NDST4: variants seen among roughly 807,000 people sequenced by gnomAD.
NDST4 encodes N-deacetylase and N-sulfotransferase 4.
A neutral mutation model predicts 100.8 loss-of-function variants in NDST4; 63 were observed. That is an observed-to-expected ratio of 0.62 (90% confidence interval 0.51 to 0.77). The LOEUF (loss-of-function observed/expected upper bound fraction) is 0.77, where lower values mean the gene tolerates loss of function less well. Among genes scored for constraint, NDST4 ranks in the 30% least tolerant of loss-of-function variants. The probability of loss-of-function intolerance (pLI) is 0.00; values close to 1 mark genes in which losing one functional copy is unlikely to be tolerated. For missense variants in NDST4, 943 were observed against 1,018.4 expected (o/e 0.93, Z 1.01); for synonymous variants, 377 against 361.8 (o/e 1.04, Z -0.48).
intron 2 of NDST4, among the ~76,000 whole-genome samples, chr4:115,060,920 G>T (rs1406181056): frequency 6.6e-6 from 1 of 151,546 alleles, no homozygotes; most frequent in Non-Finnish European, 1.5e-5. Flanking sequence ...TTTATATTTG[G>T]GTACGTTGAA....
chr4:114,891,416 A>C (rs1010490685), intron 6 of NDST4, among the ~76,000 whole-genome samples: 4 of 151,906 alleles, frequency 2.6e-5, no homozygotes, highest in Non-Finnish European at 4.4e-5. Flanking sequence ...CATTCTTCTC[A>C]ATTTCTTGGT....
At chr4:114,937,246 G>C in intron 5 of NDST4, 72 bp downstream of exon 5, 1 of 1,498,306 alleles carries the variant, frequency 6.7e-7, no homozygotes, top group African/African-American at 1.4e-5. Flanking sequence ...ATCCTTAGAG[G>C]AAATGGCCCT....
intron 4 of NDST4, among the ~76,000 whole-genome samples, chr4:114,958,933 A>G (rs1726199698): frequency 6.6e-6 from 1 of 152,088 alleles, no homozygotes; most frequent in Non-Finnish European, 1.5e-5. Context: ...AAAAGCACCA[A>G]AGTCACCTCT....
chr4:115,039,890 C>T (rs1451188528), intron 2 of NDST4, among the ~76,000 whole-genome samples: 3 of 152,014 alleles, frequency 2.0e-5, no homozygotes. Flanking sequence ...TAAAAGAGCT[C>T]AAATAATTCA....
intron 13 of NDST4, among the ~76,000 whole-genome samples, chr4:114,829,189 T>A (rs1214093528): frequency 6.6e-6 from 1 of 152,108 alleles, no homozygotes; most frequent in African/African-American, 2.4e-5. Context: ...AGCCAATTGC[T>A]GGCTGGTTTT....
chr4:115,089,520 A>G (rs484404), intron 1 of NDST4, among the ~76,000 whole-genome samples: 109,753 of 151,708 alleles, frequency 0.72, 40,600 homozygotes, highest in African/African-American at 0.87. Context: ...TGAAGAATAT[A>G]TTGTCCTTAT....
intron 1 of NDST4, among the ~76,000 whole-genome samples, chr4:115,101,976 A>C (rs1167130219): frequency 6.6e-6 from 1 of 152,098 alleles, no homozygotes; most frequent in African/African-American, 2.4e-5. Context: ...AGATTTGAAA[A>C]AGAAGAGAAA....
At chr4:115,055,186 C>A (rs186337598) in intron 2 of NDST4, among the ~76,000 whole-genome samples, 1 of 152,228 alleles carries the variant, frequency 6.6e-6, no homozygotes, top group African/African-American at 2.4e-5. Context: ...CATTTCCAGA[C>A]AGGACCATTT....
chr4:115,058,326 G>A (rs1422122987), intron 2 of NDST4, among the ~76,000 whole-genome samples: 1 of 152,080 alleles, frequency 6.6e-6, no homozygotes, highest in Non-Finnish European at 1.5e-5. Context: ...CTTGTATTTG[G>A]ATGGCAAAGC....
At chr4:115,097,831 C>T (rs149495645) in intron 1 of NDST4, among the ~76,000 whole-genome samples, 1 of 152,300 alleles carries the variant, frequency 6.6e-6, no homozygotes, top group East Asian at 1.9e-4. Context: ...CCCTACTGGG[C>T]CTCTCTATAT....
At chr4:115,044,778 AT>A (rs1728430437) in intron 2 of NDST4, among the ~76,000 whole-genome samples, 1 of 151,634 alleles carries the variant, frequency 6.6e-6, no homozygotes, top group Admixed American at 6.6e-5. Context: ...CAATATAATT[AT>A]GTATAAATTA....
Position 115,008,877 on chromosome 4 carries a change from T to A in NDST4, c.979-31603A>T, listed in dbSNP as rs1578449220. On this transcript the variant is annotated intron_variant, in intron 2 of 13. Coordinates refer to ENST00000264363, the MANE Select transcript of NDST4 (RefSeq NM_022569.3). ...CAATGGACACAAATCACAAACATTC[T>A]TATACACCAATAACAGACAAACAGA... 2.4e-5 allele frequency among the ~76,000 whole-genome samples: 3 copies of A among 123,490 alleles called. 1 individual carries two copies. Among genetic ancestry groups the A allele is most frequent in the Non-Finnish European group, 5.0e-5 (3 of 60,260 alleles). 81.0% of individuals were successfully genotyped at this position (123,490 alleles called of 152,430 possible). A position where few individuals can be genotyped will look rare whatever the true frequency, so the allele number is the denominator to read the frequency against.
chr4:115,001,454 G>A (rs1027499097), intron 2 of NDST4, among the ~76,000 whole-genome samples: 4 of 151,726 alleles, frequency 2.6e-5, no homozygotes, highest in African/African-American at 9.7e-5. Flanking sequence ...CCCCTGTTAG[G>A]AGATTCATGG....
chr4:114,941,775 A>G (rs868863839), intron 4 of NDST4, among the ~76,000 whole-genome samples: 2 of 152,192 alleles, frequency 1.3e-5, no homozygotes, highest in Non-Finnish European at 2.9e-5. Flanking sequence ...GCAGGAGTAC[A>G]GCGTACAATC....
At chr4:114,955,150 G>A (rs1252699322) in intron 4 of NDST4, among the ~76,000 whole-genome samples, 1 of 152,178 alleles carries the variant, frequency 6.6e-6, no homozygotes, top group Non-Finnish European at 1.5e-5. Context: ...ATGGTAGGAA[G>A]GGAAACACTT....
chr4:115,025,051 C>T (rs1033441413), intron 2 of NDST4, among the ~76,000 whole-genome samples: 1 of 152,160 alleles, frequency 6.6e-6, no homozygotes, highest in African/African-American at 2.4e-5. Context: ...GGTGCTATGT[C>T]CCTAGACTTC....
chr4:114,845,765 A>C (rs1393762060), intron 10 of NDST4, 58 bp downstream of exon 10: 24 of 1,466,704 alleles, frequency 1.6e-5, no homozygotes, highest in Non-Finnish European at 2.2e-5. Flanking sequence ...GTTATTTTTC[A>C]TTGCCTCCAT....
At chr4:115,038,164 G>A (rs987942950) in intron 2 of NDST4, among the ~76,000 whole-genome samples, 2 of 152,068 alleles carry the variant, frequency 1.3e-5, no homozygotes, top group African/African-American at 2.4e-5. Context: ...ATCTTTTTAC[G>A]AGGAAGTAAG....
intron 6 of NDST4, among the ~76,000 whole-genome samples, chr4:114,909,113 C>G (rs1560807099): frequency 2.6e-5 from 4 of 152,160 alleles, no homozygotes; most frequent in Admixed American, 2.0e-4. Flanking sequence ...TGAAATACAT[C>G]TCTACATTTA....
Sources: gnomAD v4.1 joint callset for allele counts (sites outside exome capture counted in the v4.1 genomes callset) on GRCh38, gnomAD v4.1.1 for gene constraint, MANE v1.5 for transcripts, NCBI Gene and HGNC (gene_info 2026-07-23, HGNC 2026-07-21) for gene names.